The following DLGAP1 variants were observed in gnomAD, a reference collection of about 807,000 sequenced individuals.
DLGAP1 encodes disks large-associated protein 1.
Under a neutral mutation model 90.8 loss-of-function variants are expected in DLGAP1, and 11 were observed. The ratio of observed to expected loss-of-function variants is 0.12; its 90% CI spans 0.08 to 0.20. The LOEUF (loss-of-function observed/expected upper bound fraction) is 0.20, where lower values mean the gene tolerates loss of function less well. DLGAP1 is among the 10% of genes least tolerant of loss of function. DLGAP1 has a pLI of 1.00. For missense variants in DLGAP1, 1,050 were observed against 1,333.8 expected, an observed-to-expected ratio of 0.79 and a Z score of 3.31; for synonymous variants, 558 against 540.7, an observed-to-expected ratio of 1.03 and a Z score of -0.44.
In DLGAP1 at chr18:4,225,368, A is replaced by T. The variant is rs145273404; in HGVS notation, c.-266-74081T>A. ...GCCCAGACTGTGAAAACTACCATAA[A>T]TACCTAACTCTTCTATGCCCAGACA... On this transcript the variant is annotated intron_variant, in intron 1 of 12. Transcript: ENST00000315677. 8.9e-3 allele frequency among the ~76,000 whole-genome samples: 1,359 copies of T among 152,146 alleles called. 15 individuals carry two copies. The highest frequency in any genetic ancestry group is 0.031 in the African/African-American group (1,284 of 41,516).
At chr18:3,927,391 T>G (rs2072415996) in intron 3 of DLGAP1, among the ~76,000 whole-genome samples, 1 of 152,244 alleles carries the variant, frequency 6.6e-6, no homozygotes, top group Non-Finnish European at 1.5e-5. Flanking sequence ...GCAAGTATAA[T>G]TATTTTTATC....
At chr18:3,505,139 C>A (rs536583023) in intron 11 of DLGAP1, among the ~76,000 whole-genome samples, 1 of 13,292 alleles carries the variant, frequency 7.5e-5, no homozygotes, top group Admixed American at 1.1e-3. Context: ...GTGGACCAGG[C>A]CACTGTGCCT....
At chr18:3,580,633 G>A (rs1314165708) in intron 8 of DLGAP1, 4 of 1,597,898 alleles carry the variant, frequency 2.5e-6, no homozygotes, top group Admixed American at 1.7e-5. Context: ...GTGAGCCTTT[G>A]TCGGCTGACC....
intron 7 of DLGAP1, chr18:3,597,452 T>A: frequency 2.8e-6 from 1 of 357,962 alleles, no homozygotes; most frequent in South Asian, 2.2e-5. Flanking sequence ...CAATTCTTGC[T>A]TCAGTAAGTG....
At chr18:3,523,965 C>T (rs1481085411) in intron 10 of DLGAP1, among the ~76,000 whole-genome samples, 4 of 152,096 alleles carry the variant, frequency 2.6e-5, no homozygotes, top group African/African-American at 9.7e-5. Context: ...ACAGACATTT[C>T]TCTAAAGGAA....
rs921982904 is a variant in DLGAP1 at position 3,765,117 on chromosome 18, C to CTTTTTTTTTTTTT, written c.1173-22606_1173-22605insAAAAAAAAAAAAA. On this transcript the variant is annotated intron_variant, in intron 5 of 12. Coordinates refer to ENST00000315677, the MANE Select transcript of DLGAP1 (RefSeq NM_004746.4). ...CAGAATCTCCATGCACACTTGCAAA[C>CTTTTTTTTTTTTT]TTTTTTTTTTTTCTTTTTTTTTTTT... Among the ~76,000 whole-genome samples the CTTTTTTTTTTTTT allele has an allele frequency of 9.8e-4, 124 of 126,372 alleles. 10 individuals are homozygous for CTTTTTTTTTTTTT. The highest frequency in any genetic ancestry group is 3.9e-3 in the Middle Eastern group (1 of 254). 82.9% of individuals were successfully genotyped at this position (126,372 alleles called of 152,430 possible).
chr18:3,501,784 A>G (rs2049946328), intron 12 of DLGAP1, among the ~76,000 whole-genome samples: 1 of 152,162 alleles, frequency 6.6e-6, no homozygotes, highest in East Asian at 1.9e-4. Flanking sequence ...GGGGAGCTGG[A>G]CATTGGATAC....
intron 7 of DLGAP1, among the ~76,000 whole-genome samples, chr18:3,616,201 G>GC (rs1339480570): frequency 6.6e-6 from 1 of 152,192 alleles, no homozygotes; most frequent in Non-Finnish European, 1.5e-5. Context: ...AAAAGTGGCT[G>GC]CAACAATATC....
chr18:4,032,654 G>A (rs1369746918), intron 2 of DLGAP1, among the ~76,000 whole-genome samples: 1 of 152,178 alleles, frequency 6.6e-6, no homozygotes, highest in African/African-American at 2.4e-5. Flanking sequence ...GGATGATCAT[G>A]TCACATCGTT....
intron 1 of DLGAP1, among the ~76,000 whole-genome samples, chr18:4,398,626 G>T (rs1479952786): frequency 6.6e-6 from 1 of 152,192 alleles, no homozygotes; most frequent in Non-Finnish European, 1.5e-5. Context: ...GCTATGAAAA[G>T]ATAAATATAG....
chr18:4,395,849 T>C (rs1342538616), intron 1 of DLGAP1, among the ~76,000 whole-genome samples: 3 of 152,146 alleles, frequency 2.0e-5, no homozygotes, highest in Non-Finnish European at 2.9e-5. Flanking sequence ...TAATGCTGAA[T>C]GCGGGAGCTG....
At chr18:3,613,864 G>A (rs894309855) in intron 7 of DLGAP1, among the ~76,000 whole-genome samples, 6 of 152,100 alleles carry the variant, frequency 3.9e-5, no homozygotes, top group African/African-American at 1.4e-4. Context: ...CCCTTTGTAA[G>A]TTGCAAAGTG....
At chr18:4,144,637 G>A (rs2144341999) in intron 2 of DLGAP1, among the ~76,000 whole-genome samples, 1 of 152,304 alleles carries the variant, frequency 6.6e-6, no homozygotes, top group East Asian at 1.9e-4. Context: ...TTAATGTGGT[G>A]ATCCTGCAGA....
chr18:4,361,755 C>T (rs2081634776), intron 1 of DLGAP1, among the ~76,000 whole-genome samples: 1 of 152,054 alleles, frequency 6.6e-6, no homozygotes, highest in Admixed American at 6.5e-5. Context: ...TTTTAAAAAA[C>T]TGTGTGTCAA....
At chr18:3,970,918 T>C (rs970815745) in intron 3 of DLGAP1, among the ~76,000 whole-genome samples, 9 of 152,202 alleles carry the variant, frequency 5.9e-5, no homozygotes, top group African/African-American at 2.2e-4. Flanking sequence ...CTATGAGGTC[T>C]GCTTCCACCC....
chr18:4,339,466 T>A (rs2143829566), intron 1 of DLGAP1, among the ~76,000 whole-genome samples: 1 of 152,236 alleles, frequency 6.6e-6, no homozygotes, highest in South Asian at 2.1e-4. Flanking sequence ...TGCACATGTA[T>A]CCTGGAACTT....
intron 1 of DLGAP1, among the ~76,000 whole-genome samples, chr18:4,428,022 A>G (rs779709703): frequency 6.6e-6 from 1 of 152,204 alleles, no homozygotes. Context: ...TTGGGCACTC[A>G]CTGGATCTTT....
intron 1 of DLGAP1, among the ~76,000 whole-genome samples, chr18:4,364,030 G>A (rs1422305122): frequency 2.6e-5 from 4 of 151,668 alleles, no homozygotes; most frequent in African/African-American, 4.8e-5. Flanking sequence ...TGATAGACTG[G>A]ATTAAGAAAA....
intron 2 of DLGAP1, among the ~76,000 whole-genome samples, chr18:4,025,718 T>C (rs1323850186): frequency 6.6e-6 from 1 of 152,224 alleles, no homozygotes; most frequent in Non-Finnish European, 1.5e-5. Flanking sequence ...TATTTTCTGC[T>C]GATAATTACT....
Sources: allele counts gnomAD v4.1 joint callset (sites outside exome capture counted in the v4.1 genomes callset), GRCh38; gene constraint gnomAD v4.1.1; transcripts MANE v1.5; gene names NCBI Gene and HGNC (gene_info 2026-07-23, HGNC 2026-07-21).